Variants in N4BP2L2 observed in about 807,000 individuals in gnomAD.
The protein encoded by N4BP2L2 is NEDD4 binding protein 2 like 2.
A neutral mutation model predicts 56.2 loss-of-function variants in N4BP2L2; 50 were observed. The observed-to-expected ratio is 0.89, with a 90% confidence interval of 0.71 to 1.13. N4BP2L2 has a LOEUF of 1.13. Among genes scored for constraint, N4BP2L2 ranks in the 50% most tolerant of loss-of-function variants. N4BP2L2 has a pLI of 0.00. For synonymous variants in N4BP2L2, 203 were observed against 223.6 expected (o/e 0.91, Z 0.82); for missense variants, 689 against 693.8 (o/e 0.99, Z 0.08).
At chr13:32,477,927 A>G in intron 6 of N4BP2L2, 1 of 1,289,402 alleles carries the variant, frequency 7.8e-7, no homozygotes, top group South Asian at 1.2e-5. Flanking sequence ...TCAATGTGTC[A>G]GTCTCCCTTT....
exon 1 of N4BP2L2, chr13:32,538,779 T>A: frequency 1.0e-6 from 1 of 985,178 alleles, no homozygotes; most frequent in Non-Finnish European, 1.2e-6. Context: ...AAACCTCACC[T>A]CCGTACGCAA....
chr13:32,521,349 T>A (rs756439129), intron 5 of N4BP2L2, 24 bp downstream of exon 5: 2 of 1,503,930 alleles, frequency 1.3e-6, no homozygotes, highest in Non-Finnish European at 1.8e-6. Flanking sequence ...AGTTAAGGAT[T>A]CAATAAAAAT....
At chr13:32,517,362 G>A (rs1245289924) in exon 6 of N4BP2L2, 1 of 988,278 alleles carries the variant, frequency 1.0e-6, no homozygotes, top group Non-Finnish European at 1.2e-6. Context: ...CTAATGAATA[G>A]AGAAAACTAA....
chr13:32,433,844 C>T (rs377129876), intron 9 of N4BP2L2, among the ~76,000 whole-genome samples: 2 of 141,842 alleles, frequency 1.4e-5, no homozygotes, highest in African/African-American at 2.6e-5. Flanking sequence ...GGTGGAGAAT[C>T]GCTTGAACCC....
chr13:32,526,832 T>TTG (rs1250661469), intron 3 of N4BP2L2: 1 of 142,294 alleles, frequency 7.0e-6, no homozygotes, highest in Non-Finnish European at 1.5e-5. Context: ...TTTTTTTTTT[T>TTG]TTTTTTTTTT....
intron 6 of N4BP2L2, among the ~76,000 whole-genome samples, chr13:32,490,399 G>A (rs184709352): frequency 2.0e-5 from 3 of 152,106 alleles, no homozygotes; most frequent in African/African-American, 7.2e-5. Context: ...CCGTCTCCCA[G>A]GTTCAAGCAA....
intron 6 of N4BP2L2, chr13:32,446,515 G>A: frequency 7.7e-7 from 1 of 1,302,332 alleles, no homozygotes; most frequent in African/African-American, 1.5e-5. Context: ...AACAAATAGA[G>A]TTTGTTGTTG....
At chr13:32,461,137 AG>A (rs986919147) in intron 6 of N4BP2L2, among the ~76,000 whole-genome samples, 2 of 152,236 alleles carry the variant, frequency 1.3e-5, no homozygotes, top group African/African-American at 4.8e-5. Flanking sequence ...AATGGATTAA[AG>A]GCCTAAGCAT....
At chr13:32,519,214 G>T (rs1290320734) in intron 5 of N4BP2L2, among the ~76,000 whole-genome samples, 1 of 150,160 alleles carries the variant, frequency 6.7e-6, no homozygotes, top group African/African-American at 2.5e-5. Context: ...CAAGAGCCCA[G>T]TGTAGGCAAT....
chr13:32,465,368 C>T (rs1260430509), intron 6 of N4BP2L2, among the ~76,000 whole-genome samples: 1 of 152,152 alleles, frequency 6.6e-6, no homozygotes, highest in African/African-American at 2.4e-5. Flanking sequence ...AACAGGTTAC[C>T]ACCCTAAAAC....
intron 6 of N4BP2L2, among the ~76,000 whole-genome samples, chr13:32,481,083 C>T (rs756709290): frequency 1.8e-4 from 25 of 135,818 alleles, no homozygotes; most frequent in African/African-American, 5.9e-4. Flanking sequence ...CACACCACTG[C>T]GCTCCAGCCT....
At chr13:32,440,851 C>CTT (rs34532527) in intron 7 of N4BP2L2, among the ~76,000 whole-genome samples, 3,246 of 134,604 alleles carry the variant, frequency 0.024, 177 homozygotes, top group African/African-American at 0.084. Context: ...AAATAACAAT[C>CTT]TTTTTTTTTT....
chr13:32,456,349 C>A (rs2078984801), intron 6 of N4BP2L2, among the ~76,000 whole-genome samples: 1 of 152,174 alleles, frequency 6.6e-6, no homozygotes. Context: ...TCCTACCCAA[C>A]CAACACCATA....
intron 2 of N4BP2L2, among the ~76,000 whole-genome samples, chr13:32,528,060 G>A (rs551008810): frequency 6.6e-6 from 1 of 152,228 alleles, no homozygotes; most frequent in African/African-American, 2.4e-5. Flanking sequence ...ATGAGCCACC[G>A]TGCCTGGCCA....
chr13:32,527,781 T>C (rs1436976432), intron 2 of N4BP2L2, among the ~76,000 whole-genome samples: 4 of 143,446 alleles, frequency 2.8e-5, no homozygotes, highest in Admixed American at 2.8e-4. Context: ...CAGAAACTCT[T>C]TTTTTTTTTT....
At chr13:32,536,313 A>G (rs753846406) in exon 2 of N4BP2L2, 2 of 1,613,768 alleles carry the variant, frequency 1.2e-6, no homozygotes, top group African/African-American at 2.7e-5. Context: ...TCATTCCCCA[A>G]GTTCTGCTGA....
At chr13:32,528,345 G>A (rs761688567) in intron 2 of N4BP2L2, among the ~76,000 whole-genome samples, 9 of 152,104 alleles carry the variant, frequency 5.9e-5, no homozygotes, top group Non-Finnish European at 8.8e-5. Flanking sequence ...GAGGCTTAAG[G>A]TTATGGAACA....
intron 3 of N4BP2L2, chr13:32,526,818 G>GTTTTTTTCTTTTT (rs2053005209): frequency 4.1e-5 from 1 of 24,234 alleles, no homozygotes; most frequent in Non-Finnish European, 7.9e-5. Context: ...CTTTTTGTCT[G>GTTTTTTTCTTTTT]TTTTTTTTTT....
At chr13:32,536,408 T>C in exon 2 of N4BP2L2, 1 of 1,614,058 alleles carries the variant, frequency 6.2e-7, no homozygotes, top group Non-Finnish European at 8.5e-7. Context: ...ATGACCCTCA[T>C]AAAATGGAAC....
Sources: gnomAD v4.1 joint callset for allele counts (sites outside exome capture counted in the v4.1 genomes callset) on GRCh38, gnomAD v4.1.1 for gene constraint, MANE v1.5 for transcripts, NCBI Gene and HGNC (gene_info 2026-07-23, HGNC 2026-07-21) for gene names.